SUGCT: variants seen among roughly 807,000 people sequenced by gnomAD.
SUGCT encodes succinyl-CoA:glutarate-CoA transferase.
Under a neutral mutation model 55.0 loss-of-function variants are expected in SUGCT, and 41 were observed. The observed-to-expected ratio is 0.74, with a 90% confidence interval of 0.58 to 0.97. SUGCT has a LOEUF of 0.97. SUGCT is among the 50% of genes least tolerant of loss of function. The pLI is 0.00. For synonymous variants in SUGCT, 187 were observed against 200.4 expected, an observed-to-expected ratio of 0.93 and a Z score of 0.56; for missense variants, 568 against 547.8, an observed-to-expected ratio of 1.04 and a Z score of -0.37.
the SUGCT span, among the ~76,000 whole-genome samples, chr7:41,020,047 T>A: frequency 6.6e-6 from 1 of 152,200 alleles, no homozygotes; most frequent in Non-Finnish European, 1.5e-5. Context: ...ACTCATTTTA[T>A]CATTTTTCCT....
intron 12 of SUGCT, among the ~76,000 whole-genome samples, chr7:40,719,859 G>A (rs961060575): frequency 3.3e-5 from 5 of 152,046 alleles, no homozygotes; most frequent in Non-Finnish European, 7.4e-5. Context: ...GCAGTGGCAC[G>A]ATCTCGGTTC....
chr7:40,309,149 C>T (rs979251533), intron 8 of SUGCT, among the ~76,000 whole-genome samples: 5 of 152,158 alleles, frequency 3.3e-5, no homozygotes, highest in African/African-American at 4.8e-5. Context: ...CTTCATAGCA[C>T]GAATCATTTC....
chr7:40,974,027 A>G, the SUGCT span, among the ~76,000 whole-genome samples: 1 of 152,198 alleles, frequency 6.6e-6, no homozygotes, highest in East Asian at 1.9e-4. Flanking sequence ...CTTGAAGTCA[A>G]TGAGTCCAGT....
intron 9 of SUGCT, among the ~76,000 whole-genome samples, chr7:40,435,347 T>A (rs1469502276): frequency 9.9e-5 from 15 of 152,138 alleles, no homozygotes; most frequent in Admixed American, 9.8e-4. Context: ...GGAAGGAAGT[T>A]TGGGGAATCT....
chr7:40,451,653 A>G (rs1339474571), intron 10 of SUGCT, among the ~76,000 whole-genome samples: 1 of 152,212 alleles, frequency 6.6e-6, no homozygotes, highest in Non-Finnish European at 1.5e-5. Context: ...AGTTATTTAC[A>G]TTATTAGCTA....
intron 3 of SUGCT, among the ~76,000 whole-genome samples, chr7:40,183,079 C>G (rs981820495): frequency 6.6e-6 from 1 of 152,170 alleles, no homozygotes; most frequent in Non-Finnish European, 1.5e-5. Flanking sequence ...TCGAGACCAG[C>G]CTGGCCAACA....
chr7:40,586,034 G>A (rs546683122), intron 12 of SUGCT, among the ~76,000 whole-genome samples: 1 of 151,930 alleles, frequency 6.6e-6, no homozygotes, highest in South Asian at 2.1e-4. Flanking sequence ...CCAGACCTTG[G>A]TAATCATTTC....
chr7:40,991,231 G>A, the SUGCT span, among the ~76,000 whole-genome samples: 1 of 152,160 alleles, frequency 6.6e-6, no homozygotes. Flanking sequence ...AGGGAGGCCT[G>A]AGGAGATGGA....
chr7:40,448,373 T>C (rs1788977099), intron 9 of SUGCT, among the ~76,000 whole-genome samples: 1 of 151,908 alleles, frequency 6.6e-6, no homozygotes, highest in African/African-American at 2.4e-5. Flanking sequence ...AAAATGAAAA[T>C]AAAACAAAAA....
intron 6 of SUGCT, 120 bp from the exon 7 acceptor site, chr7:40,237,514 GA>G: frequency 1.3e-6 from 1 of 778,090 alleles, no homozygotes; most frequent in South Asian, 1.5e-5. Flanking sequence ...GAATGGTATA[GA>G]TCTAATAGTC....
chr7:40,481,299 TTGCGCTGCAGCCTAGGTGACA>T (rs1791021472), intron 11 of SUGCT, among the ~76,000 whole-genome samples: 1 of 151,888 alleles, frequency 6.6e-6, no homozygotes, highest in African/African-American at 2.4e-5. Context: ...GATTGCACAA[TTGCGCTGCAGCCTAGGTGACA>T]GAGTGAGACC....
At chr7:40,925,325 A>C in the SUGCT span, among the ~76,000 whole-genome samples, 1 of 152,186 alleles carries the variant, frequency 6.6e-6, no homozygotes, top group East Asian at 1.9e-4. Context: ...TGGTTTCTGC[A>C]TGACTCTTTC....
At chr7:40,768,622 A>G (rs1202468679) in intron 13 of SUGCT, among the ~76,000 whole-genome samples, 1 of 152,202 alleles carries the variant, frequency 6.6e-6, no homozygotes, top group Admixed American at 6.5e-5. Flanking sequence ...ATAAAAGAAT[A>G]CTTGCTGTGA....
chr7:40,689,784 G>T (rs1247311098), intron 12 of SUGCT, among the ~76,000 whole-genome samples: 1 of 152,074 alleles, frequency 6.6e-6, no homozygotes, highest in South Asian at 2.1e-4. Flanking sequence ...ATTGAAGGGT[G>T]GGGGGATTGG....
At chr7:40,705,522 C>CT (rs11464136) in intron 12 of SUGCT, among the ~76,000 whole-genome samples, 48,221 of 151,988 alleles carry the variant, frequency 0.32, 8,010 homozygotes, top group African/African-American at 0.42. Flanking sequence ...TTTTACAAAT[C>CT]CCATTTTTGA....
At chr7:40,525,570 A>G (rs1447173487) in intron 12 of SUGCT, among the ~76,000 whole-genome samples, 2 of 152,118 alleles carry the variant, frequency 1.3e-5, no homozygotes, top group Non-Finnish European at 2.9e-5. Flanking sequence ...TGGAATGGAA[A>G]GAAAGTGACA....
chr7:40,775,171 T>C (rs1789389779), intron 13 of SUGCT, among the ~76,000 whole-genome samples: 1 of 152,222 alleles, frequency 6.6e-6, no homozygotes, highest in African/African-American at 2.4e-5. Flanking sequence ...GAAAGATAAA[T>C]GTGCTTTACC....
At chr7:40,766,239 C>T (rs1584406635) in intron 13 of SUGCT, among the ~76,000 whole-genome samples, 1 of 152,294 alleles carries the variant, frequency 6.6e-6, no homozygotes, top group Admixed American at 6.5e-5. Flanking sequence ...GAGACAGGGT[C>T]TCACACTGTT....
rs1385404681 is a variant in SUGCT, at chr7:40,481,165, CTG to C, written c.987-15115_987-15114del. Among the ~76,000 whole-genome samples the C allele has an allele frequency of 2.0e-5, 3 of 152,016 alleles. No homozygotes were observed. In the East Asian group the frequency reaches 5.8e-4, roughly 29 times the overall value. Reference sequence around the variant, plus strand: ...CCAGCCTAGGCAACATGACAAAACTCTGTGTTTACAAAAAATATAAAAATTAA... The same window carrying C: ...CCAGCCTAGGCAACATGACAAAACTCTGTTTACAAAAAATATAAAAATTAA... On this transcript the variant is annotated intron_variant, in intron 11 of 13. Transcript: ENST00000335693.
Sources: gnomAD v4.1 joint callset for allele counts (sites outside exome capture counted in the v4.1 genomes callset) on GRCh38, gnomAD v4.1.1 for gene constraint, MANE v1.5 for transcripts, NCBI Gene and HGNC (gene_info 2026-07-23, HGNC 2026-07-21) for gene names.